KLHL9: variants seen among roughly 807,000 people sequenced by gnomAD.
The protein encoded by KLHL9 is kelch-like protein 9.
In KLHL9, 27 loss-of-function variants were observed where a neutral mutation model predicts 42.3. That is an observed-to-expected ratio of 0.64 (90% confidence interval 0.47 to 0.88). The LOEUF is 0.88. Ranked by LOEUF, KLHL9 falls within the 40% of genes least tolerant of loss-of-function variation. The pLI, the probability that KLHL9 is intolerant of heterozygous loss-of-function variation, is 0.00. For missense variants in KLHL9, 629 were observed against 750.3 expected (o/e 0.84, Z 1.89); for synonymous variants, 274 against 254.4 (o/e 1.08, Z -0.73).
At position 21,331,382 on chromosome 9, in the gene KLHL9, A is replaced by T. The variant is rs1030978478; in HGVS notation, c.*1624T>A. 1.3e-5 allele frequency: 2 copies of T among 152,458 alleles called. No individual in the cohort carries two copies. The highest frequency in any genetic ancestry group is 1.3e-4 in the Admixed American group (2 of 15,270). The allele number at this position is 152,458 out of a possible 1,614,324, so 9.4% of individuals were successfully genotyped here. On this transcript the variant is annotated 3_prime_UTR_variant, in exon 1 of 1. Coordinates refer to ENST00000359039, the MANE Select transcript of KLHL9 (RefSeq NM_018847.4). The stretch of plus-strand genomic sequence containing the variant: ...CACTTGTATGGGCAGTAAGGTTCAG[A>T]CCCCTAGAAGCCAATTCATTTTGCC...
chr9:21,332,955 G>C lies in KLHL9; in HGVS notation c.*51C>G. 2 of 1,612,252 alleles carry C rather than the reference G, an allele frequency of 1.2e-6. No individual in the cohort carries two copies. Among genetic ancestry groups the C allele is most frequent in the Non-Finnish European group, 8.5e-7 (1 of 1,178,848 alleles). ...TCACTGTAAGAAGATACAACTGAAGGGGAAGTATTAGATCACCCATGACGT... is the reference window on the plus strand; with the variant it reads ...TCACTGTAAGAAGATACAACTGAAGCGGAAGTATTAGATCACCCATGACGT... On this transcript the variant is annotated 3_prime_UTR_variant, in exon 1 of 1. Coordinates refer to ENST00000359039, the MANE Select transcript of KLHL9 (RefSeq NM_018847.4).
Position 21,332,974 on chromosome 9 carries a change from A to G in KLHL9, c.*32T>C, listed in dbSNP as rs778788264. 1 of 1,613,838 alleles carries G rather than the reference A, an allele frequency of 6.2e-7. No individual in the cohort carries two copies. The highest frequency in any genetic ancestry group is 8.5e-7 in the Non-Finnish European group (1 of 1,179,766). On this transcript the variant is annotated 3_prime_UTR_variant, in exon 1 of 1. Transcript: ENST00000359039. ...CTGAAGGGGAAGTATTAGATCACCC[A>G]TGACGTACTGCAAAGGTGTTACACC...
rs1820181400 is a variant in KLHL9 at position 21,332,100 on chromosome 9, A to G, written c.*906T>C. ...GTTCTCTGAAACCTGAACTTTACCA[A>G]TCTGTGTAAAAGTACTCTACAGAAA... is the stretch of plus-strand genomic sequence containing the variant. On this transcript the variant is annotated 3_prime_UTR_variant, in exon 1 of 1. Coordinates refer to ENST00000359039, the MANE Select transcript of KLHL9 (RefSeq NM_018847.4). 1 of 152,508 alleles carries G rather than the reference A, an allele frequency of 6.6e-6. No homozygotes were observed. The highest frequency in any genetic ancestry group is 1.5e-5 in the Non-Finnish European group (1 of 68,034). The allele number at this position is 152,508 out of a possible 1,614,324, so 9.4% of individuals were successfully genotyped here.
In KLHL9 at chr9:21,333,177, T is replaced by C. The variant is rs138281428; in HGVS notation, c.1683A>G (p.Val561=). 173 of 1,614,008 alleles carry C rather than the reference T, an allele frequency of 1.1e-4. No homozygotes were observed. The highest frequency in any genetic ancestry group is 2.3e-4 in the Admixed American group (14 of 59,988). ...GGYSWNNRCM[V]EIVQKYDPEK... ...CTGGGTCATATTTCTGGACAATTTC[T>C]ACCATACAACGATTATTCCAAGAAT... The change falls in exon 1 of 1, where the codon GTA becomes GTG. Residue 561 remains valine, a synonymous_variant. Transcript: ENST00000359039. This position sits in a 1 kb window ranked among gnomAD's most constrained non-coding sequence, Gnocchi z 7.5.
Position 21,334,782 on chromosome 9 carries a change from A to G in KLHL9, c.78T>C (p.Phe26=). 1 of 1,612,856 alleles carries G rather than the reference A, an allele frequency of 6.2e-7. No individual in the cohort carries two copies. Among genetic ancestry groups the G allele is most frequent in the Non-Finnish European group, 8.5e-7 (1 of 1,179,474 alleles). Residue 26 remains phenylalanine, a synonymous_variant, in exon 1 of 1, where the codon TTT becomes TTC. Transcript: ENST00000359039. This position sits in a 1 kb window ranked among gnomAD's most constrained non-coding sequence, Gnocchi z 5.1. The stretch of plus-strand genomic sequence containing the variant: ...CCGAACTGTGAGTATTGCTGGTAAA[A>G]AAGCGTGTGGTTCCTGCCTTACAAG... ...LQPCKAGTTR[F]FTSNTHSSVV... is the part of the protein sequence containing the mutation.
In KLHL9 at chr9:21,333,408, A is replaced by G; in HGVS notation, c.1452T>C (p.Gly484=). ...MQKAPMTTVR[G]LHCMCTVGDK... ...CTCCAACTGTACACATGCAATGCAG[A>G]CCTCTGACTGTAGTCATTGGAGCCT... The change falls in exon 1 of 1, where the codon GGT becomes GGC. Residue 484 remains glycine (G), a synonymous_variant. Transcript: ENST00000359039. The surrounding 1 kb of genome is among the most constrained non-coding windows in gnomAD (Gnocchi z 7.5). The G allele has an allele frequency of 5.6e-6, 9 of 1,614,192 alleles. No individual in the cohort carries two copies. The highest frequency in any genetic ancestry group is 7.6e-6 in the Non-Finnish European group (9 of 1,180,042).
At position 21,334,811 on chromosome 9, in the gene KLHL9, GCAAATGGGCAGA is replaced by G. The variant is rs779324007; in HGVS notation, c.37_48del (p.Ser13_Leu16del). 13 of 1,613,602 alleles carry G rather than the reference GCAAATGGGCAGA, an allele frequency of 8.1e-6. No individual in the cohort carries two copies. The African/African-American group carries it at 1.7e-4, about 22-fold the overall frequency. ...CGTGTGGTTCCTGCCTTACAAGGCT[GCAAATGGGCAGA>G]GACGCCCATTTCGCCGTTACCAAGG... On this transcript the variant is annotated inframe_deletion, in exon 1 of 1. Transcript: ENST00000359039. This position sits in a 1 kb window ranked among gnomAD's most constrained non-coding sequence, Gnocchi z 5.1.
rs753890367 is a variant in KLHL9 at position 21,334,548 on chromosome 9, C to A, written c.312G>T (p.Lys104Asn). 7.6e-5 allele frequency: 123 copies of A among 1,614,032 alleles called. No homozygotes were observed. The highest frequency in any genetic ancestry group is 1.0e-4 in the Non-Finnish European group (119 of 1,180,028). ...KLHGVNKVGLKKIIDFIYTAK... is the reference protein window; with the variant it reads ...KLHGVNKVGLNKIIDFIYTAK... ...CAGTATAAATAAAATCAATGATTTT[C>A]TTCAGACCAACCTTGTTCACCCCAT... is the stretch of plus-strand genomic sequence containing the variant. Residue 104 changes from lysine (K) to asparagine (N), a missense_variant, in exon 1 of 1, where the codon AAG (lysine) becomes AAT (asparagine). Lys to Asn is a moderately conservative substitution (Grantham distance 94, BLOSUM62 0). This residue lies in a region of KLHL9 where 351 missense variants were observed against 363.1 expected (regional missense o/e 0.97). Coordinates refer to ENST00000359039, the MANE Select transcript of KLHL9 (RefSeq NM_018847.4). The surrounding 1 kb of genome is among the most constrained non-coding windows in gnomAD (Gnocchi z 5.1).
At position 21,334,854 on chromosome 9, in the gene KLHL9, T is replaced by G. The variant is rs12348079; in HGVS notation, c.6A>C (p.Lys2Asn). The G allele has an allele frequency of 6.2e-7, 1 of 1,614,058 alleles. No homozygotes were observed. Among genetic ancestry groups the G allele is most frequent in the African/African-American group, 1.3e-5 (1 of 74,922 alleles). The change falls in exon 1 of 1, where the codon AAA becomes AAC. Residue 2 changes from lysine to asparagine, a missense_variant. By Grantham distance (94) the Lys-to-Asn change is moderately conservative (BLOSUM62 0). Transcript: ENST00000359039. The surrounding 1 kb of genome is among the most constrained non-coding windows in gnomAD (Gnocchi z 5.1). ...CCATTTCGCCGTTACCAAGGGACAC[T>G]TTCATGTGAAAGCTTTCCTCTTGCA... Reference protein sequence around the residue: MKVSLGNGEMGV... With the variant: MNVSLGNGEMGV...
In KLHL9 at chr9:21,333,989, TTCTA is replaced by T. The variant is rs750655571; in HGVS notation, c.867_870del (p.Asp289GlufsTer14). ...TGAGTGGAGTCAGATCGAATGGCAG[TTCTA>T]TCTGACTGCATCACTGGCTGCATAT... On this transcript the variant is annotated frameshift_variant, in exon 1 of 1. Coordinates refer to ENST00000359039, the MANE Select transcript of KLHL9 (RefSeq NM_018847.4). LOFTEE classifies it high-confidence loss of function. This position sits in a 1 kb window ranked among gnomAD's most constrained non-coding sequence, Gnocchi z 7.5. 2 of 1,614,202 alleles carry T rather than the reference TTCTA, an allele frequency of 1.2e-6. No homozygotes were observed. The highest frequency in any genetic ancestry group is 2.2e-5 in the East Asian group (1 of 44,882).
In KLHL9 at chr9:21,334,943, AAAG is replaced by A. The variant is rs1475128743; in HGVS notation, c.-87_-85del. On this transcript the variant is annotated 5_prime_UTR_variant, in exon 1 of 1. Coordinates refer to ENST00000359039, the MANE Select transcript of KLHL9 (RefSeq NM_018847.4). This position sits in a 1 kb window ranked among gnomAD's most constrained non-coding sequence, Gnocchi z 5.1. ...GTTTTACAGGTAACGAGGTGTCCAG[AAAG>A]AACAGAAAGCTCGTTTCCTTATCAA... 28 of 1,565,912 alleles carry A rather than the reference AAAG, an allele frequency of 1.8e-5. No homozygotes were observed. Among genetic ancestry groups the A allele is most frequent in the Non-Finnish European group, 2.4e-5 (28 of 1,158,732 alleles).
rs1441436462 is a variant in KLHL9, at chr9:21,331,484, G to C, written c.*1522C>G. The stretch of plus-strand genomic sequence containing the variant: ...GATTTACATGCTGACAATCTTCCAG[G>C]TATAGGGGGTTGTGTGTGTGTATTA... On this transcript the variant is annotated 3_prime_UTR_variant, in exon 1 of 1. Transcript: ENST00000359039. 1 of 63,408 alleles carries C rather than the reference G, an allele frequency of 1.6e-5. No individual in the cohort carries two copies. Among genetic ancestry groups the C allele is most frequent in the Non-Finnish European group, 3.1e-5 (1 of 32,558 alleles). 3.9% of individuals were successfully genotyped at this position (63,408 alleles called of 1,614,324 possible).
At position 21,331,598 on chromosome 9, in the gene KLHL9, G is replaced by C. The variant is rs537804199; in HGVS notation, c.*1408C>G. On this transcript the variant is annotated 3_prime_UTR_variant, in exon 1 of 1. Coordinates refer to ENST00000359039, the MANE Select transcript of KLHL9 (RefSeq NM_018847.4). ...CCTCTTCAGAATCACTCATTACAGA[G>C]AATTCCTGTAACTCCATTTGCTGAT... 6.6e-6 allele frequency: 1 copy of C among 152,146 alleles called. No individual in the cohort carries two copies. Among genetic ancestry groups the C allele is most frequent in the South Asian group, 2.1e-4 (1 of 4,820 alleles). 9.4% of individuals were successfully genotyped at this position (152,146 alleles called of 1,614,324 possible).
Position 21,333,985 on chromosome 9 carries a change from G to A in KLHL9, c.875C>T (p.Ala292Val). Residue 292 changes from alanine to valine, a missense_variant, in exon 1 of 1, where the codon GCC becomes GTC. Transcript: ENST00000359039. This position sits in a 1 kb window ranked among gnomAD's most constrained non-coding sequence, Gnocchi z 7.5. Reference protein sequence around the residue: ...MQPVMQSDRTAIRSDSTHLVT... With the variant: ...MQPVMQSDRTVIRSDSTHLVT... ...CAAGTGAGTGGAGTCAGATCGAATG[G>A]CAGTTCTATCTGACTGCATCACTGG... 1 of 1,614,116 alleles carries A rather than the reference G, an allele frequency of 6.2e-7. No homozygotes were observed. Among genetic ancestry groups the A allele is most frequent in the Admixed American group, 1.7e-5 (1 of 60,028 alleles).
rs983032405 is a variant in KLHL9 at position 21,330,010 on chromosome 9, G to C, written c.*2996C>G. The C allele has an allele frequency of 6.6e-6, 1 of 151,972 alleles. No homozygotes were observed. The highest frequency in any genetic ancestry group is 2.4e-5 in the African/African-American group (1 of 41,402). The allele number at this position is 151,972 out of a possible 1,614,324, so 9.4% of individuals were successfully genotyped here. A position where few individuals can be genotyped will look rare whatever the true frequency, so the allele number is the denominator to read the frequency against. On this transcript the variant is annotated 3_prime_UTR_variant, in exon 1 of 1. Coordinates refer to ENST00000359039, the MANE Select transcript of KLHL9 (RefSeq NM_018847.4). Reference sequence around the variant, plus strand: ...CTGAACTTTCTTTAAAAAATTACCAGCTTATGAAAATAAATCTCTTTCCAT... The same window carrying C: ...CTGAACTTTCTTTAAAAAATTACCACCTTATGAAAATAAATCTCTTTCCAT...
Position 21,335,050 on chromosome 9 carries a change from A to G in KLHL9, c.-191T>C. On this transcript the variant is annotated 5_prime_UTR_variant, in exon 1 of 1. Coordinates refer to ENST00000359039, the MANE Select transcript of KLHL9 (RefSeq NM_018847.4). Reference sequence around the variant, plus strand: ...AAAATCACCCTGTAGCAGGACCACAAAGGGCTGTGGACCTCAAATCTGATT... The same window carrying G: ...AAAATCACCCTGTAGCAGGACCACAGAGGGCTGTGGACCTCAAATCTGATT... 3 of 703,216 alleles carry G rather than the reference A, an allele frequency of 4.3e-6. No homozygotes were observed. The highest frequency in any genetic ancestry group is 7.0e-6 in the Non-Finnish European group (3 of 427,178). The allele number at this position is 703,216 out of a possible 1,614,324, so 43.6% of individuals were successfully genotyped here. A position where few individuals can be genotyped will look rare whatever the true frequency, so the allele number is the denominator to read the frequency against.
In KLHL9 at chr9:21,332,512, T is replaced by C. The variant is rs898061128; in HGVS notation, c.*494A>G. 1 of 162,184 alleles carries C rather than the reference T, an allele frequency of 6.2e-6. No homozygotes were observed. Among genetic ancestry groups the C allele is most frequent in the Non-Finnish European group, 1.4e-5 (1 of 73,502 alleles). The allele number at this position is 162,184 out of a possible 1,614,324, so 10.0% of individuals were successfully genotyped here. A position where few individuals can be genotyped will look rare whatever the true frequency, so the allele number is the denominator to read the frequency against. ...TGCTATACTGTTTTTTCCTAGTTAA[T>C]ATTTTTATTATTTCTGTCTACGTAA... On this transcript the variant is annotated 3_prime_UTR_variant, in exon 1 of 1. Coordinates refer to ENST00000359039, the MANE Select transcript of KLHL9 (RefSeq NM_018847.4).
rs116599440 is a variant in KLHL9 at position 21,332,530 on chromosome 9, C to G, written c.*476G>C. The stretch of plus-strand genomic sequence containing the variant: ...TAGTTAATATTTTTATTATTTCTGT[C>G]TACGTAAGAAACTTCAAATATTCTG... On this transcript the variant is annotated 3_prime_UTR_variant, in exon 1 of 1. Transcript: ENST00000359039. The G allele has an allele frequency of 0.016, 2,525 of 159,984 alleles. 64 individuals carry two copies. The highest frequency in any genetic ancestry group is 0.053 in the African/African-American group (2,202 of 41,564). The allele number at this position is 159,984 out of a possible 1,614,324, so 9.9% of individuals were successfully genotyped here.
At position 21,335,154 on chromosome 9, in the gene KLHL9, G is replaced by C; in HGVS notation, c.-295C>G. 1 of 527,494 alleles carries C rather than the reference G, an allele frequency of 1.9e-6. No homozygotes were observed. The highest frequency in any genetic ancestry group is 3.4e-6 in the Non-Finnish European group (1 of 293,376). 32.7% of individuals were successfully genotyped at this position (527,494 alleles called of 1,614,324 possible). A position where few individuals can be genotyped will look rare whatever the true frequency, so the allele number is the denominator to read the frequency against. On this transcript the variant is annotated 5_prime_UTR_variant, in exon 1 of 1. Coordinates refer to ENST00000359039, the MANE Select transcript of KLHL9 (RefSeq NM_018847.4). ...TCCGGCCTGCGCTGCCGCTCCTTCA[G>C]CAGTTCCGCTTCGGGCAAGGAAGAG...
Sources: allele counts gnomAD v4.1 joint callset, GRCh38; gene constraint gnomAD v4.1.1; regional missense constraint gnomAD v4.1.1; non-coding constraint Gnocchi (gnomAD v3.1); transcripts MANE v1.5; gene names NCBI Gene and HGNC (gene_info 2026-07-23, HGNC 2026-07-21).